The following TMEM181 variants were observed in gnomAD, a reference collection of about 807,000 sequenced individuals.
TMEM181 encodes the protein transmembrane protein 181.
Under a neutral mutation model 71.9 loss-of-function variants are expected in TMEM181, and 39 were observed. The ratio of observed to expected loss-of-function variants is 0.54; its 90% CI spans 0.42 to 0.71. The LOEUF is 0.71. Ranked by LOEUF, TMEM181 falls within the 30% of genes least tolerant of loss-of-function variation. TMEM181 has a pLI of 0.00. For synonymous variants in TMEM181, 245 were observed against 228.8 expected (o/e 1.07, Z -0.64); for missense variants, 595 against 583.0 (o/e 1.02, Z -0.21).
intron 6 of TMEM181, among the ~76,000 whole-genome samples, chr6:158,590,961 G>C (rs1784078193): frequency 6.6e-6 from 1 of 152,220 alleles, no homozygotes; most frequent in African/African-American, 2.4e-5. Context: ...ACAACGTGTG[G>C]TCTTCGGTGA....
In TMEM181 at chr6:158,578,046, C is replaced by T. The variant is rs1325262316; in HGVS notation, c.113-2894C>T. Among the ~76,000 whole-genome samples, 20 of 152,138 alleles carry T rather than the reference C, an allele frequency of 1.3e-4. No homozygotes were observed. The East Asian group carries it at 2.7e-3, about 21-fold the overall frequency. On this transcript the variant is annotated intron_variant, in intron 2 of 16. Coordinates refer to ENST00000684151, the MANE Select transcript of TMEM181 (RefSeq NM_001376852.1). ...TGGAGGTTGTGGTGAGCTGAGATCG[C>T]GCCATTGCACTCCAGCCTGGGCAAC...
intron 6 of TMEM181, 40 bp from the exon 7 acceptor site, chr6:158,605,227 T>C (rs768553413): frequency 2.0e-6 from 3 of 1,517,948 alleles, no homozygotes; most frequent in South Asian, 1.1e-5. Flanking sequence ...TAGATGCATA[T>C]ATATTTTTTT....
chr6:158,626,717 T>C (rs1304316582), intron 13 of TMEM181: 1 of 457,142 alleles, frequency 2.2e-6, no homozygotes. Flanking sequence ...GTGTGCACGT[T>C]GTCTCTGTGA....
intron 8 of TMEM181, 39 bp from the exon 9 acceptor site, chr6:158,608,294 G>T (rs538919588): frequency 1.9e-6 from 3 of 1,613,052 alleles, no homozygotes; most frequent in Non-Finnish European, 2.5e-6. Flanking sequence ...GTGCTGGCGG[G>T]CCTGTTTTCC....
chr6:158,572,369 G>A (rs747650125), intron 1 of TMEM181: 26 of 456,412 alleles, frequency 5.7e-5, no homozygotes, highest in Middle Eastern at 3.3e-4. Flanking sequence ...TGAGGTGCTC[G>A]GTCTCCTTCC....
chr6:158,536,709 G>C (rs1477491933), exon 1 of TMEM181: 1 of 1,552,260 alleles, frequency 6.4e-7, no homozygotes, highest in South Asian at 1.2e-5. Context: ...GGAGCGGCGG[G>C]ACCGGGACCC....
rs1786878496 is a variant in TMEM181 at position 158,635,053 on chromosome 6, TTTC to T, written c.*3166_*3168del. 6.6e-6 allele frequency: 1 copy of T among 152,126 alleles called. No homozygotes were observed. Among genetic ancestry groups the T allele is most frequent in the Non-Finnish European group, 1.5e-5 (1 of 68,000 alleles). The allele number at this position is 152,126 out of a possible 1,614,324, so 9.4% of individuals were successfully genotyped here. A position where few individuals can be genotyped will look rare whatever the true frequency, so the allele number is the denominator to read the frequency against. ...GAAAAAAAAAAAAAGATACAGATCTTTTCCCCTGGCCAAAGGGAAGTTGTATTA... is the reference window on the plus strand; with the variant it reads ...GAAAAAAAAAAAAAGATACAGATCTTCCCTGGCCAAAGGGAAGTTGTATTA... On this transcript the variant is annotated 3_prime_UTR_variant, in exon 17 of 17. Coordinates refer to ENST00000684151, the MANE Select transcript of TMEM181 (RefSeq NM_001376852.1).
Position 158,631,402 on chromosome 6 carries a change from C to A in TMEM181, c.1349+13C>A, listed in dbSNP as rs753966261. On this transcript the variant is annotated intron_variant, in intron 16 of 16. Coordinates refer to ENST00000684151, the MANE Select transcript of TMEM181 (RefSeq NM_001376852.1). ...ATGTGATTTATGGGTAAGTCCCTGTCCGTTAGAAGGCCGGCACACCTTGGG... is the reference window on the plus strand; with the variant it reads ...ATGTGATTTATGGGTAAGTCCCTGTACGTTAGAAGGCCGGCACACCTTGGG... 1.9e-6 allele frequency: 3 copies of A among 1,613,988 alleles called. No individual in the cohort carries two copies. The Admixed American group carries it at 5.0e-5, about 27-fold the overall frequency.
At chr6:158,625,567 C>T (rs1487651453) in intron 12 of TMEM181, 136 bp from the exon 13 acceptor site, 6 of 773,780 alleles carry the variant, frequency 7.8e-6, no homozygotes, top group Non-Finnish European at 4.1e-6. Flanking sequence ...TCCTAGGCTG[C>T]TGGCGACTCC....
chr6:158,567,640 C>T (rs1428441903), intron 1 of TMEM181, among the ~76,000 whole-genome samples: 1 of 152,148 alleles, frequency 6.6e-6, no homozygotes, highest in Non-Finnish European at 1.5e-5. Flanking sequence ...TGTGAGTGGG[C>T]CAGCCTGGAG....
upstream of TMEM181, among the ~76,000 whole-genome samples, chr6:158,556,712 T>G (rs1373621165): frequency 2.6e-5 from 4 of 152,190 alleles, no homozygotes; most frequent in African/African-American, 9.7e-5. Flanking sequence ...ATCAAGCATT[T>G]ATGCACGAGA....
chr6:158,622,697 A>G (rs909891701), intron 10 of TMEM181, among the ~76,000 whole-genome samples: 3 of 152,226 alleles, frequency 2.0e-5, no homozygotes, highest in Non-Finnish European at 4.4e-5. Context: ...GGACAGCTGT[A>G]TGACTTGAAC....
At chr6:158,581,166 C>T (rs745790545) in intron 3 of TMEM181, among the ~76,000 whole-genome samples, 171 bp downstream of exon 3, 16 of 152,178 alleles carry the variant, frequency 1.1e-4, no homozygotes, top group Non-Finnish European at 1.5e-4. Flanking sequence ...TTCTTGTTTG[C>T]TAAAGTCACC....
rs1323565530 is a variant in TMEM181, at chr6:158,633,529, C to T, written c.*1641C>T. ...AACGCAAGCAGTACCTACTTTTTTTCTTCATCTATGCATTGACTCTCAGAT... is the reference window on the plus strand; with the variant it reads ...AACGCAAGCAGTACCTACTTTTTTTTTTCATCTATGCATTGACTCTCAGAT... On this transcript the variant is annotated 3_prime_UTR_variant, in exon 17 of 17. Transcript: ENST00000684151. The T allele has an allele frequency of 2.6e-5, 4 of 152,172 alleles. No homozygotes were observed. Among genetic ancestry groups the T allele is most frequent in the South Asian group, 2.1e-4 (1 of 4,832 alleles). 9.4% of individuals were successfully genotyped at this position (152,172 alleles called of 1,614,324 possible). A position where few individuals can be genotyped will look rare whatever the true frequency, so the allele number is the denominator to read the frequency against.
chr6:158,568,576 T>C (rs1252292730), intron 1 of TMEM181, among the ~76,000 whole-genome samples: 1 of 152,204 alleles, frequency 6.6e-6, no homozygotes, highest in Non-Finnish European at 1.5e-5. Context: ...CAGACTTGCC[T>C]CTATGTGTTT....
intron 6 of TMEM181, among the ~76,000 whole-genome samples, chr6:158,600,419 G>A (rs920269184): frequency 2.0e-5 from 3 of 150,478 alleles, no homozygotes; most frequent in Non-Finnish European, 4.4e-5. Flanking sequence ...CGAAGTGCTG[G>A]GATTATAGGC....
At chr6:158,623,469 CAA>C (rs1032653458) in intron 10 of TMEM181, 79 bp from the exon 11 acceptor site, 32 of 1,018,828 alleles carry the variant, frequency 3.1e-5, no homozygotes, top group African/African-American at 1.5e-4. Context: ...GTAAAAAAAA[CAA>C]AAAGTCAATA....
rs1583031790 is a variant in TMEM181, at chr6:158,611,167, G to T, written c.896+2417G>T. 3 of 529,394 alleles carry T rather than the reference G, an allele frequency of 5.7e-6. No homozygotes were observed. In the East Asian group the frequency reaches 1.6e-4, roughly 28 times the overall value. The allele number at this position is 529,394 out of a possible 1,614,324, so 32.8% of individuals were successfully genotyped here. On this transcript the variant is annotated intron_variant, in intron 10 of 16. Transcript: ENST00000684151. ...TGACTACTCTCCTGTCACAGAAGCT[G>T]CTCCTCTCTGGCACTGTCTTGTCCT... is the stretch of plus-strand genomic sequence containing the variant.
intron 10 of TMEM181, chr6:158,611,202 A>G (rs9456330): frequency 0.052 from 26,905 of 514,230 alleles, 914 homozygotes; most frequent in Non-Finnish European, 0.07. Context: ...TTCTCCACTG[A>G]CCTCTGGGAT....
Sources: allele counts gnomAD v4.1 joint callset (sites outside exome capture counted in the v4.1 genomes callset), GRCh38; gene constraint gnomAD v4.1.1; transcripts MANE v1.5; gene names NCBI Gene and HGNC (gene_info 2026-07-23, HGNC 2026-07-21).